TESC: variants seen among roughly 807,000 people sequenced by gnomAD.
TESC encodes calcineurin B homologous protein 3.
In TESC, 19 loss-of-function variants were observed where a neutral mutation model predicts 31.0. The observed-to-expected ratio is 0.61, with a 90% CI of 0.43 to 0.90. The LOEUF (loss-of-function observed/expected upper bound fraction) is 0.90, where lower values mean the gene tolerates loss of function less well. TESC is among the 40% of genes least tolerant of loss of function. The pLI is 0.00. For missense variants in TESC, 248 were observed against 303.8 expected (o/e 0.82, Z 1.36); for synonymous variants, 109 against 114.8 (o/e 0.95, Z 0.32).
intron 1 of TESC, among the ~76,000 whole-genome samples, chr12:117,091,913 G>A (rs1394789959): frequency 6.6e-6 from 1 of 152,212 alleles, no homozygotes; most frequent in African/African-American, 2.4e-5. Context: ...GACTCTCAGA[G>A]TCTCAGTCCA....
chr12:117,044,024 C>A (rs1954521794), intron 6 of TESC, among the ~76,000 whole-genome samples: 1 of 151,344 alleles, frequency 6.6e-6, no homozygotes, highest in Non-Finnish European at 1.5e-5. Context: ...GGCAGGAGGA[C>A]TGTTGGAGGC....
chr12:117,097,701 G>T (rs1475617718), intron 1 of TESC, among the ~76,000 whole-genome samples: 1 of 151,928 alleles, frequency 6.6e-6, no homozygotes, highest in Non-Finnish European at 1.5e-5. Context: ...ATATAAAAAC[G>T]TTTACGGAGA....
At chr12:117,059,207 T>C (rs1954769656) in intron 2 of TESC, among the ~76,000 whole-genome samples, 1 of 152,222 alleles carries the variant, frequency 6.6e-6, no homozygotes, top group Non-Finnish European at 1.5e-5. Context: ...CTACGCCGTT[T>C]GGGTTGGAAG....
At chr12:117,077,759 T>C (rs1955092892) in intron 1 of TESC, among the ~76,000 whole-genome samples, 1 of 152,180 alleles carries the variant, frequency 6.6e-6, no homozygotes, top group Non-Finnish European at 1.5e-5. Context: ...ACGCTAATAT[T>C]GTAACTGACT....
intron 1 of TESC, among the ~76,000 whole-genome samples, chr12:117,078,391 G>A (rs956898602): frequency 2.0e-5 from 3 of 152,120 alleles, no homozygotes; most frequent in African/African-American, 4.8e-5. Flanking sequence ...GCTTGAGCCC[G>A]GGAGGCGGAG....
chr12:117,049,257 A>G lies in TESC; in HGVS notation c.210-99T>C. 5 of 1,526,590 alleles carry G rather than the reference A, an allele frequency of 3.3e-6. No individual in the cohort carries two copies. In the South Asian group the frequency reaches 3.6e-5, roughly 11 times the overall value. 94.6% of individuals were successfully genotyped at this position (1,526,590 alleles called of 1,614,324 possible). A position where few individuals can be genotyped will look rare whatever the true frequency, so the allele number is the denominator to read the frequency against. ...CGAGAACTCCGCTCTCAGGGTGCAC[A>G]CTGGACCCACGATGGCTGCTCTCGC... is the stretch of plus-strand genomic sequence containing the variant. On this transcript the variant is annotated intron_variant, in intron 3 of 7. Transcript: ENST00000335209.
chr12:117,049,897 T>C (rs1954621959), intron 3 of TESC, among the ~76,000 whole-genome samples: 1 of 116,110 alleles, frequency 8.6e-6, no homozygotes, highest in South Asian at 3.1e-4. Flanking sequence ...GGAGACCCTG[T>C]CTCAAGAAAA....
chr12:117,070,808 A>G (rs1242689585), intron 2 of TESC, among the ~76,000 whole-genome samples: 2 of 152,056 alleles, frequency 1.3e-5, no homozygotes, highest in African/African-American at 4.8e-5. Context: ...TCATCTCTAC[A>G]AAAATACAAA....
At chr12:117,052,764 C>T (rs994110249) in intron 3 of TESC, among the ~76,000 whole-genome samples, 1 of 152,178 alleles carries the variant, frequency 6.6e-6, no homozygotes, top group African/African-American at 2.4e-5. Flanking sequence ...CACACCCAAC[C>T]CACCCCCAGG....
chr12:117,074,036 C>A (rs1955016505), intron 2 of TESC, among the ~76,000 whole-genome samples: 1 of 152,132 alleles, frequency 6.6e-6, no homozygotes, highest in African/African-American at 2.4e-5. Context: ...CCAGCCTGGG[C>A]AACATAGTGA....
intron 4 of TESC, 73 bp from the exon 5 acceptor site, chr12:117,046,911 A>C (rs1565959268): frequency 6.8e-7 from 1 of 1,471,816 alleles, no homozygotes; most frequent in Admixed American, 2.0e-5. Context: ...AATGTACACT[A>C]AACTAAGCAA....
intron 2 of TESC, among the ~76,000 whole-genome samples, chr12:117,066,482 C>T (rs1954884988): frequency 6.6e-6 from 1 of 151,714 alleles, no homozygotes; most frequent in Non-Finnish European, 1.5e-5. Flanking sequence ...CGCCATTCTC[C>T]TGCCTCAGCC....
chr12:117,046,462 G>T, intron 6 of TESC, 97 bp downstream of exon 6: 6 of 1,227,578 alleles, frequency 4.9e-6, no homozygotes, highest in Non-Finnish European at 6.7e-6. Context: ...GCAGGTGGCA[G>T]AATACACCTG....
At chr12:117,073,913 C>CA (rs34962443) in intron 2 of TESC, among the ~76,000 whole-genome samples, 41,567 of 145,406 alleles carry the variant, frequency 0.29, 5,782 homozygotes, top group Middle Eastern at 0.33. Context: ...GACCACGTCT[C>CA]AAAAAAAAAA....
chr12:117,054,722 G>A (rs1291555018), intron 3 of TESC, among the ~76,000 whole-genome samples: 2 of 152,124 alleles, frequency 1.3e-5, no homozygotes, highest in Non-Finnish European at 2.9e-5. Context: ...GAACCAGGGT[G>A]AGTGGTTCAT....
chr12:117,040,256 C>T (rs1320134066), intron 7 of TESC, among the ~76,000 whole-genome samples: 1 of 152,156 alleles, frequency 6.6e-6, no homozygotes, highest in East Asian at 1.9e-4. Context: ...GCGGCCCCAT[C>T]CTTGCTGGAT....
At chr12:117,039,240 C>A in intron 7 of TESC, 30 bp from the exon 8 acceptor site, 3 of 1,595,186 alleles carry the variant, frequency 1.9e-6, no homozygotes, top group Non-Finnish European at 2.6e-6. Context: ...GTTAAGGGCA[C>A]GTTCCCGCCG....
At chr12:117,053,337 C>G (rs1954675349) in intron 3 of TESC, among the ~76,000 whole-genome samples, 1 of 152,216 alleles carries the variant, frequency 6.6e-6, no homozygotes, top group South Asian at 2.1e-4. Context: ...TGCCCCAGCC[C>G]TTTCCCCACA....
chr12:117,095,664 G>T (rs1955383540), intron 1 of TESC, among the ~76,000 whole-genome samples: 1 of 152,112 alleles, frequency 6.6e-6, no homozygotes, highest in Non-Finnish European at 1.5e-5. Flanking sequence ...GGATCACTTT[G>T]AGGCCAGGAA....
Sources: gnomAD v4.1 joint callset for allele counts (sites outside exome capture counted in the v4.1 genomes callset) on GRCh38, gnomAD v4.1.1 for gene constraint, MANE v1.5 for transcripts, NCBI Gene and HGNC (gene_info 2026-07-23, HGNC 2026-07-21) for gene names.